The following SLC8A1 variants were observed in gnomAD, a reference collection of about 807,000 sequenced individuals.
SLC8A1 encodes solute carrier family 8 member A1, also known as sodium/calcium exchanger 1.
In SLC8A1, 18 loss-of-function variants were observed where a neutral mutation model predicts 68.3. The observed-to-expected ratio is 0.26, with a 90% CI of 0.18 to 0.39. SLC8A1 has a LOEUF of 0.39. SLC8A1 is among the 10% of genes least tolerant of loss of function. The probability of loss-of-function intolerance (pLI) is 1.00; values close to 1 mark genes in which losing one functional copy is unlikely to be tolerated. For synonymous variants in SLC8A1, 475 were observed against 415.5 expected, an observed-to-expected ratio of 1.14 and a Z score of -1.74; for missense variants, 985 against 1,156.7, an observed-to-expected ratio of 0.85 and a Z score of 2.15.
chr2:40,110,539 G>T (rs1165414440), exon 8 of SLC8A1: 1 of 152,140 alleles, frequency 6.6e-6, no homozygotes, highest in Non-Finnish European at 1.5e-5. Context: ...TTAATGATTG[G>T]AATTTATATT....
At chr2:40,257,170 G>T (rs1240375001) in intron 2 of SLC8A1, among the ~76,000 whole-genome samples, 1 of 152,004 alleles carries the variant, frequency 6.6e-6, no homozygotes, top group Non-Finnish European at 1.5e-5. Flanking sequence ...TTAGCTAAAT[G>T]CATGATGAAA....
At chr2:40,108,032 G>C (rs2034322405) in exon 8 of SLC8A1, 1 of 152,076 alleles carries the variant, frequency 6.6e-6, no homozygotes, top group South Asian at 2.1e-4. Context: ...TGGTTCATTT[G>C]GGCCAGACTC....
chr2:40,397,102 G>A (rs754322519), intron 2 of SLC8A1, among the ~76,000 whole-genome samples: 2 of 152,158 alleles, frequency 1.3e-5, no homozygotes, highest in East Asian at 3.9e-4. Context: ...ACAGAAAAAA[G>A]GTGAAGTATT....
At chr2:40,114,886 AAAAAC>A (rs1160822532) in exon 8 of SLC8A1, 4 of 153,930 alleles carry the variant, frequency 2.6e-5, no homozygotes, top group Non-Finnish European at 5.8e-5. Flanking sequence ...ACTCTCCCAA[AAAAAC>A]AAAACAAAAC....
intron 2 of SLC8A1, among the ~76,000 whole-genome samples, chr2:40,338,577 C>T (rs1020795427): frequency 1.3e-5 from 2 of 152,154 alleles, no homozygotes; most frequent in South Asian, 4.1e-4. Flanking sequence ...TCTGACCCTA[C>T]TGAAATCATT....
At chr2:40,200,689 C>T (rs1193439678) in intron 2 of SLC8A1, among the ~76,000 whole-genome samples, 1 of 151,634 alleles carries the variant, frequency 6.6e-6, no homozygotes. Flanking sequence ...TAGTAAAAGG[C>T]CAAATGAAGA....
At chr2:40,336,369 G>C (rs1257248610) in intron 2 of SLC8A1, among the ~76,000 whole-genome samples, 1 of 152,118 alleles carries the variant, frequency 6.6e-6, no homozygotes, top group East Asian at 1.9e-4. Flanking sequence ...GACAACAAAG[G>C]CCTTGCAGGG....
chr2:40,136,855 T>G (rs371365386), intron 7 of SLC8A1, among the ~76,000 whole-genome samples: 51 of 152,310 alleles, frequency 3.3e-4, no homozygotes, highest in African/African-American at 1.2e-3. Flanking sequence ...TAGATATGAT[T>G]GTCTGAGATT....
At chr2:40,416,031 A>T (rs969624350) in intron 2 of SLC8A1, among the ~76,000 whole-genome samples, 8 of 148,872 alleles carry the variant, frequency 5.4e-5, no homozygotes, top group Admixed American at 3.4e-4. Context: ...AGCCTGGGTG[A>T]CAGATTGAGC....
At chr2:40,242,961 C>T (rs1311501315) in intron 2 of SLC8A1, among the ~76,000 whole-genome samples, 1 of 152,094 alleles carries the variant, frequency 6.6e-6, no homozygotes, top group Non-Finnish European at 1.5e-5. Context: ...GATTATTTTC[C>T]TAAATCTGAG....
intron 2 of SLC8A1, among the ~76,000 whole-genome samples, chr2:40,202,028 G>C (rs2054470484): frequency 6.6e-6 from 1 of 151,984 alleles, no homozygotes; most frequent in Non-Finnish European, 1.5e-5. Flanking sequence ...ACACATGCTG[G>C]TGTGTGTACA....
intron 6 of SLC8A1, among the ~76,000 whole-genome samples, chr2:40,154,089 A>G (rs1342597779): frequency 6.6e-6 from 1 of 152,088 alleles, no homozygotes; most frequent in Non-Finnish European, 1.5e-5. Flanking sequence ...TATTCCAGCT[A>G]ATCACTTGCT....
At chr2:40,416,696 G>T (rs752588146) in intron 2 of SLC8A1, among the ~76,000 whole-genome samples, 10 of 152,074 alleles carry the variant, frequency 6.6e-5, no homozygotes, top group Non-Finnish European at 1.5e-4. Flanking sequence ...CAACTAACCA[G>T]ACCAGTAGCC....
intron 2 of SLC8A1, among the ~76,000 whole-genome samples, chr2:40,296,073 A>G (rs1349252354): frequency 6.6e-6 from 1 of 152,066 alleles, no homozygotes; most frequent in African/African-American, 2.4e-5. Flanking sequence ...TGGCTACAAA[A>G]CCTAATAATT....
At chr2:40,371,310 T>C (rs941556870) in intron 2 of SLC8A1, among the ~76,000 whole-genome samples, 1 of 152,068 alleles carries the variant, frequency 6.6e-6, no homozygotes, top group Non-Finnish European at 1.5e-5. Context: ...CTTTCAAATA[T>C]ACATTACAGC....
chr2:40,337,497 C>A (rs1275706292), intron 2 of SLC8A1, among the ~76,000 whole-genome samples: 3 of 152,176 alleles, frequency 2.0e-5, no homozygotes, highest in Non-Finnish European at 4.4e-5. Context: ...AAACCACTCA[C>A]CTCCATAGCG....
At chr2:40,449,013 G>C (rs1000921008) in intron 1 of SLC8A1, among the ~76,000 whole-genome samples, 16 of 151,874 alleles carry the variant, frequency 1.1e-4, no homozygotes, top group African/African-American at 3.9e-4. Flanking sequence ...TCTTTTTCCA[G>C]ATCTAATTTA....
At chr2:40,202,916 G>A (rs571203659) in intron 2 of SLC8A1, among the ~76,000 whole-genome samples, 21 of 151,912 alleles carry the variant, frequency 1.4e-4, no homozygotes, top group Non-Finnish European at 1.9e-4. Context: ...CAAATAGAAT[G>A]GCACCTACAT....
At chr2:40,439,668 A>G (rs1274125783) in intron 1 of SLC8A1, among the ~76,000 whole-genome samples, 2 of 152,184 alleles carry the variant, frequency 1.3e-5, no homozygotes, top group African/African-American at 4.8e-5. Flanking sequence ...TCAGTGAGTC[A>G]TTAAGATTCA....
Sources: gnomAD v4.1 joint callset for allele counts (sites outside exome capture counted in the v4.1 genomes callset) on GRCh38, gnomAD v4.1.1 for gene constraint, MANE v1.5 for transcripts, NCBI Gene and HGNC (gene_info 2026-07-23, HGNC 2026-07-21) for gene names.